The following GRM5 variants were observed in gnomAD, a reference collection of about 807,000 sequenced individuals.
The protein encoded by GRM5 is metabotropic glutamate receptor 5.
Under a neutral mutation model 83.1 loss-of-function variants are expected in GRM5, and 19 were observed. The observed-to-expected ratio is 0.23, with a 90% CI of 0.16 to 0.34. GRM5 has a LOEUF of 0.34. Among genes scored for constraint, GRM5 ranks in the 10% least tolerant of loss-of-function variants. The pLI, the probability that GRM5 is intolerant of heterozygous loss-of-function variation, is 1.00. For synonymous variants in GRM5, 675 were observed against 633.6 expected (o/e 1.07, Z -0.98); for missense variants, 1,160 against 1,588.3 (o/e 0.73, Z 4.58).
intron 3 of GRM5, among the ~76,000 whole-genome samples, chr11:88,775,889 T>G (rs1040360831): frequency 1.7e-5 from 2 of 119,762 alleles, no homozygotes; most frequent in African/African-American, 5.0e-5. Context: ...ATAAGTGCAA[T>G]GTGTTGCTGA....
At chr11:88,920,122 G>T (rs556082570) in intron 2 of GRM5, among the ~76,000 whole-genome samples, 1 of 151,994 alleles carries the variant, frequency 6.6e-6, no homozygotes, top group Non-Finnish European at 1.5e-5. Context: ...ATGGTTTTCT[G>T]AAAGGATAAA....
chr11:88,775,444 T>G (rs938554164), intron 3 of GRM5, among the ~76,000 whole-genome samples: 11 of 152,218 alleles, frequency 7.2e-5, no homozygotes, highest in Non-Finnish European at 1.5e-4. Context: ...TCTCCTTCAG[T>G]TCTGCTCTGA....
rs930309872 is a variant in GRM5, at chr11:88,507,675, A to G, written c.*917T>C. On this transcript the variant is annotated 3_prime_UTR_variant, in exon 10 of 10. Transcript: ENST00000305447. ...GCAACAGCATTCCTAAAGAGTGGCC[A>G]TGTTTCTTGAAAGAGATAGCCAGGC... 1 of 152,396 alleles carries G rather than the reference A, an allele frequency of 6.6e-6. No homozygotes were observed. The highest frequency in any genetic ancestry group is 1.5e-5 in the Non-Finnish European group (1 of 68,028). The allele number at this position is 152,396 out of a possible 1,614,324, so 9.4% of individuals were successfully genotyped here.
chr11:88,801,682 T>A (rs1034794189), intron 3 of GRM5, among the ~76,000 whole-genome samples: 1 of 152,104 alleles, frequency 6.6e-6, no homozygotes, highest in Admixed American at 6.6e-5. Flanking sequence ...GAGTGAGGCA[T>A]AGGTGAGAAA....
chr11:88,650,698 A>G (rs1424080539), intron 4 of GRM5, among the ~76,000 whole-genome samples: 1 of 152,046 alleles, frequency 6.6e-6, no homozygotes, highest in Non-Finnish European at 1.5e-5. Flanking sequence ...TAAATCTAAT[A>G]ATTATTTTCC....
At chr11:88,786,651 T>G (rs1487910722) in intron 3 of GRM5, among the ~76,000 whole-genome samples, 3 of 152,158 alleles carry the variant, frequency 2.0e-5, no homozygotes, top group African/African-American at 7.2e-5. Context: ...TCTTTAAGTC[T>G]TCTCACATAT....
chr11:88,656,410 A>T (rs1421404219), intron 3 of GRM5, among the ~76,000 whole-genome samples: 1 of 152,134 alleles, frequency 6.6e-6, no homozygotes, highest in Non-Finnish European at 1.5e-5. Context: ...GCTGAAGTTT[A>T]TTTGCAATAC....
intron 4 of GRM5, among the ~76,000 whole-genome samples, chr11:88,617,421 A>G (rs1243839228): frequency 6.6e-6 from 1 of 152,192 alleles, no homozygotes; most frequent in Non-Finnish European, 1.5e-5. Context: ...CTTTTTCCCC[A>G]ATATCTTCAG....
chr11:88,651,524 T>A (rs1939631076), intron 4 of GRM5, among the ~76,000 whole-genome samples: 1 of 152,064 alleles, frequency 6.6e-6, no homozygotes, highest in Non-Finnish European at 1.5e-5. Flanking sequence ...AGAAATCTGT[T>A]GTCTTCAGAA....
intron 5 of GRM5, among the ~76,000 whole-genome samples, chr11:88,603,682 G>A (rs1027365855): frequency 3.9e-5 from 6 of 152,128 alleles, no homozygotes; most frequent in Admixed American, 2.6e-4. Flanking sequence ...CCTGAAACTA[G>A]CTATCACTTA....
chr11:88,639,062 A>G (rs1276059653), intron 4 of GRM5, among the ~76,000 whole-genome samples: 1 of 152,036 alleles, frequency 6.6e-6, no homozygotes, highest in Non-Finnish European at 1.5e-5. Flanking sequence ...AGCTGTGGCC[A>G]TTGGTTTGTG....
chr11:88,707,683 G>A (rs981443131), intron 3 of GRM5, among the ~76,000 whole-genome samples: 1 of 152,096 alleles, frequency 6.6e-6, no homozygotes, highest in African/African-American at 2.4e-5. Flanking sequence ...TTCCTCTGTA[G>A]ATACCAAGGG....
chr11:88,993,019 TAAAA>T (rs1256923045), intron 2 of GRM5, among the ~76,000 whole-genome samples: 1 of 147,830 alleles, frequency 6.8e-6, no homozygotes, highest in African/African-American at 2.5e-5. Context: ...GTATAATAAA[TAAAA>T]TAAATAAAAT....
At chr11:88,991,630 A>G (rs951304684) in intron 2 of GRM5, among the ~76,000 whole-genome samples, 275 of 150,442 alleles carry the variant, frequency 1.8e-3, no homozygotes, top group Admixed American at 3.7e-3. Flanking sequence ...AGGCTACAGT[A>G]ACCAAAACAG....
intron 3 of GRM5, among the ~76,000 whole-genome samples, chr11:88,699,424 T>C (rs1229116882): frequency 1.3e-5 from 2 of 152,140 alleles, no homozygotes; most frequent in African/African-American, 2.4e-5. Context: ...TGAGGTGCCA[T>C]AAAGATTTCT....
chr11:88,575,915 T>G (rs1043560427), intron 7 of GRM5, among the ~76,000 whole-genome samples: 5 of 152,038 alleles, frequency 3.3e-5, no homozygotes, highest in African/African-American at 9.7e-5. Flanking sequence ...TTATTTTTGT[T>G]TTTTTTAATT....
intron 3 of GRM5, among the ~76,000 whole-genome samples, chr11:88,810,547 C>T (rs12787863): frequency 0.27 from 40,259 of 151,898 alleles, 6,710 homozygotes; most frequent in Non-Finnish European, 0.38. Context: ...TACTGAAGAT[C>T]GGTCAGGGAG....
chr11:88,569,229 T>A (rs923446910), intron 7 of GRM5, among the ~76,000 whole-genome samples: 1 of 152,198 alleles, frequency 6.6e-6, no homozygotes, highest in African/African-American at 2.4e-5. Flanking sequence ...GCAACCAAAG[T>A]TGAGAACCAT....
At chr11:88,901,064 A>G (rs1377690385) in intron 2 of GRM5, among the ~76,000 whole-genome samples, 1 of 152,174 alleles carries the variant, frequency 6.6e-6, no homozygotes, top group Non-Finnish European at 1.5e-5. Flanking sequence ...TAGGCCAGTT[A>G]TCAGATCTTT....
Sources: gnomAD v4.1 joint callset for allele counts (sites outside exome capture counted in the v4.1 genomes callset) on GRCh38, gnomAD v4.1.1 for gene constraint, MANE v1.5 for transcripts, NCBI Gene and HGNC (gene_info 2026-07-23, HGNC 2026-07-21) for gene names.